Variants in PTPN3 observed in about 807,000 individuals in gnomAD.
PTPN3 encodes the protein tyrosine-protein phosphatase non-receptor type 3.
A neutral mutation model predicts 132.7 loss-of-function variants in PTPN3; 96 were observed. The observed-to-expected ratio is 0.72, with a 90% CI of 0.61 to 0.86. The LOEUF is 0.86. Among genes scored for constraint, PTPN3 ranks in the 40% least tolerant of loss-of-function variants. PTPN3 has a pLI of 0.00. For synonymous variants in PTPN3, 398 were observed against 429.0 expected, an observed-to-expected ratio of 0.93 and a Z score of 0.89; for missense variants, 1,125 against 1,159.6, an observed-to-expected ratio of 0.97 and a Z score of 0.43.
chr9:109,450,249 G>C (rs1367274421), intron 5 of PTPN3: 7 of 985,012 alleles, frequency 7.1e-6, no homozygotes, highest in Non-Finnish European at 8.4e-6. Context: ...ACACCTATTT[G>C]GTATTGGAAT....
intron 1 of PTPN3, among the ~76,000 whole-genome samples, chr9:109,497,636 C>T (rs932118841): frequency 3.3e-5 from 5 of 152,230 alleles, no homozygotes; most frequent in Non-Finnish European, 5.9e-5. Context: ...TACACTCCCC[C>T]ATCTGCAGCT....
At chr9:109,396,144 G>A (rs1165374781) in intron 19 of PTPN3, among the ~76,000 whole-genome samples, 2 of 152,172 alleles carry the variant, frequency 1.3e-5, no homozygotes, top group Non-Finnish European at 2.9e-5. Context: ...TTACAGCCGT[G>A]AGCCACTGCG....
At chr9:109,418,668 C>T (rs1282798129) in intron 14 of PTPN3, among the ~76,000 whole-genome samples, 2 of 152,152 alleles carry the variant, frequency 1.3e-5, no homozygotes, top group Non-Finnish European at 2.9e-5. Context: ...CTGTGCTGTC[C>T]AAGATGGAGG....
chr9:109,470,395 T>C (rs921763375), intron 1 of PTPN3, among the ~76,000 whole-genome samples: 2 of 152,188 alleles, frequency 1.3e-5, no homozygotes, highest in Admixed American at 6.5e-5. Context: ...TTCCTACTGC[T>C]GTTGGTACCT....
chr9:109,520,344 T>C, the PTPN3 span, among the ~76,000 whole-genome samples: 1 of 152,110 alleles, frequency 6.6e-6, no homozygotes, highest in Non-Finnish European at 1.5e-5. Context: ...AAGAGATTTA[T>C]AAACAGAAAT....
At chr9:109,441,144 C>T (rs1169124203) in intron 7 of PTPN3, among the ~76,000 whole-genome samples, 2 of 152,202 alleles carry the variant, frequency 1.3e-5, no homozygotes, top group Non-Finnish European at 2.9e-5. Flanking sequence ...ATACTATATG[C>T]TCCAAACTCC....
the PTPN3 span, among the ~76,000 whole-genome samples, chr9:109,522,900 T>C: frequency 6.6e-6 from 1 of 152,196 alleles, no homozygotes; most frequent in Admixed American, 6.5e-5. Context: ...TGGGGTACAA[T>C]AGTGATGAAG....
chr9:109,383,333 G>A, intron 23 of PTPN3, 90 bp downstream of exon 23: 1 of 1,605,114 alleles, frequency 6.2e-7, no homozygotes, highest in Non-Finnish European at 8.5e-7. Flanking sequence ...TGCAAACAGA[G>A]TGCACACCTA....
At chr9:109,472,254 A>C (rs575839308) in intron 1 of PTPN3, among the ~76,000 whole-genome samples, 5 of 152,294 alleles carry the variant, frequency 3.3e-5, no homozygotes, top group African/African-American at 1.2e-4. Flanking sequence ...ATCATTCACC[A>C]ACACCAATGC....
chr9:109,458,373 G>C (rs1286487657), intron 2 of PTPN3, among the ~76,000 whole-genome samples: 1 of 152,224 alleles, frequency 6.6e-6, no homozygotes, highest in East Asian at 1.9e-4. Flanking sequence ...GGAGTGTTTG[G>C]AAAACTGCAA....
rs550161756 is a variant in PTPN3 at position 109,446,233 on chromosome 9, A to C, written c.414-941T>G. On this transcript the variant is annotated intron_variant, in intron 6 of 25. Coordinates refer to ENST00000374541, the MANE Select transcript of PTPN3 (RefSeq NM_002829.4). ...ACACTGGGAGCCACTGGGACTTTAAAAATTCTTCCCAGCACCCCAGTGGGA... is the reference window on the plus strand; with the variant it reads ...ACACTGGGAGCCACTGGGACTTTAACAATTCTTCCCAGCACCCCAGTGGGA... Among the ~76,000 whole-genome samples, 9 of 152,302 alleles carry C rather than the reference A, an allele frequency of 5.9e-5. No homozygotes were observed. In the East Asian group the frequency reaches 1.5e-3, roughly 26 times the overall value.
chr9:109,534,399 T>G, the PTPN3 span: 1 of 1,447,124 alleles, frequency 6.9e-7, no homozygotes, highest in Non-Finnish European at 9.0e-7. Context: ...TGATGGTAGC[T>G]AGGCCAGCGG....
chr9:109,503,606 G>A, the PTPN3 span, among the ~76,000 whole-genome samples: 1 of 152,066 alleles, frequency 6.6e-6, no homozygotes, highest in African/African-American at 2.4e-5. Context: ...CCACTTGGGA[G>A]GCTGAGGCAG....
chr9:109,428,121 G>T (rs1843409114), intron 11 of PTPN3, among the ~76,000 whole-genome samples: 1 of 152,218 alleles, frequency 6.6e-6, no homozygotes, highest in African/African-American at 2.4e-5. Flanking sequence ...GTTACTTTGT[G>T]GTGGGCTCTC....
intron 8 of PTPN3, among the ~76,000 whole-genome samples, chr9:109,437,232 G>A (rs868479530): frequency 6.6e-6 from 1 of 152,190 alleles, no homozygotes. Flanking sequence ...AGACGGAGAA[G>A]ACTGTTACCT....
At chr9:109,497,942 G>A (rs1847750083) in intron 1 of PTPN3, among the ~76,000 whole-genome samples, 1 of 147,168 alleles carries the variant, frequency 6.8e-6, no homozygotes, top group Non-Finnish European at 1.5e-5. Context: ...CCCACGCTCC[G>A]GCGCCGCGTC....
chr9:109,417,212 G>A (rs750054890), intron 14 of PTPN3, among the ~76,000 whole-genome samples: 6 of 152,212 alleles, frequency 3.9e-5, no homozygotes, highest in Non-Finnish European at 7.3e-5. Context: ...AAACTTTGCT[G>A]TGCTGCTATA....
At chr9:109,464,439 C>G (rs1166627284) in intron 1 of PTPN3, among the ~76,000 whole-genome samples, 1 of 152,184 alleles carries the variant, frequency 6.6e-6, no homozygotes, top group Admixed American at 6.5e-5. Context: ...GATTGCAAAA[C>G]TACCTTTCGG....
the PTPN3 span, among the ~76,000 whole-genome samples, chr9:109,521,536 C>T: frequency 6.6e-6 from 1 of 152,194 alleles, no homozygotes; most frequent in South Asian, 2.1e-4. Context: ...CTTTGCCCAA[C>T]TTCACCTGCA....
Sources: allele counts gnomAD v4.1 joint callset (sites outside exome capture counted in the v4.1 genomes callset), GRCh38; gene constraint gnomAD v4.1.1; transcripts MANE v1.5; gene names NCBI Gene and HGNC (gene_info 2026-07-23, HGNC 2026-07-21).